The following MAP4K4 variants were observed in gnomAD, a reference collection of about 807,000 sequenced individuals.
MAP4K4 encodes the protein mitogen-activated protein kinase kinase kinase kinase 4.
A neutral mutation model predicts 189.6 loss-of-function variants in MAP4K4; 38 were observed. That is an observed-to-expected ratio of 0.20 (90% confidence interval 0.15 to 0.26). The LOEUF (loss-of-function observed/expected upper bound fraction) is 0.26, where lower values mean the gene tolerates loss of function less well. Ranked by LOEUF, MAP4K4 falls within the 10% of genes least tolerant of loss-of-function variation. The pLI is 1.00. For synonymous variants in MAP4K4, 610 were observed against 624.3 expected, an observed-to-expected ratio of 0.98 and a Z score of 0.34; for missense variants, 1,054 against 1,726.9, an observed-to-expected ratio of 0.61 and a Z score of 6.91.
chr2:101,831,903 G>A, intron 7 of MAP4K4, 52 bp downstream of exon 7: 1 of 1,589,110 alleles, frequency 6.3e-7, no homozygotes. Context: ...CATACCCGAG[G>A]GATGGGGGCT....
chr2:101,871,039 A>G (rs1333533503), intron 23 of MAP4K4, among the ~76,000 whole-genome samples: 1 of 152,176 alleles, frequency 6.6e-6, no homozygotes. Flanking sequence ...TACGCTTCTC[A>G]TTTAAATAGA....
chr2:101,709,543 T>A (rs1035591894), intron 2 of MAP4K4, among the ~76,000 whole-genome samples: 15 of 152,224 alleles, frequency 9.9e-5, no homozygotes, highest in Non-Finnish European at 2.1e-4. Flanking sequence ...TTCTTTCTTA[T>A]CGCTATGAAG....
intron 2 of MAP4K4, among the ~76,000 whole-genome samples, chr2:101,771,764 A>G (rs1483676175): frequency 6.6e-6 from 1 of 152,256 alleles, no homozygotes; most frequent in Non-Finnish European, 1.5e-5. Context: ...TGAGCTGCCT[A>G]GTGCTCCAGG....
intron 2 of MAP4K4, among the ~76,000 whole-genome samples, chr2:101,714,507 T>C (rs906324255): frequency 6.6e-6 from 1 of 152,232 alleles, no homozygotes; most frequent in Non-Finnish European, 1.5e-5. Flanking sequence ...TCTACAATTA[T>C]GTTATATAAC....
At chr2:101,837,552 A>T (rs1474425478) in intron 9 of MAP4K4, among the ~76,000 whole-genome samples, 2 of 152,142 alleles carry the variant, frequency 1.3e-5, no homozygotes, top group African/African-American at 4.8e-5. Flanking sequence ...TTCTGTATTA[A>T]GACATAATAA....
At chr2:101,792,803 T>G (rs2093148964) in intron 3 of MAP4K4, among the ~76,000 whole-genome samples, 1 of 152,116 alleles carries the variant, frequency 6.6e-6, no homozygotes, top group African/African-American at 2.4e-5. Flanking sequence ...CCCTAGCTAA[T>G]TTTTGTATTT....
chr2:101,755,480 G>A (rs1218452379), intron 2 of MAP4K4, among the ~76,000 whole-genome samples: 1 of 152,158 alleles, frequency 6.6e-6, no homozygotes, highest in Non-Finnish European at 1.5e-5. Context: ...TGGGCGGCCT[G>A]AGACAACTGT....
chr2:101,794,743 A>G (rs974835396), intron 3 of MAP4K4, among the ~76,000 whole-genome samples: 7 of 152,214 alleles, frequency 4.6e-5, no homozygotes, highest in African/African-American at 1.7e-4. Context: ...TTTATGCACT[A>G]TACGTAGTTA....
intron 3 of MAP4K4, among the ~76,000 whole-genome samples, chr2:101,811,534 C>T (rs1190850267): frequency 1.3e-5 from 2 of 151,870 alleles, no homozygotes; most frequent in African/African-American, 2.4e-5. Context: ...CAAGCTCACC[C>T]TCCCAGGTGT....
chr2:101,776,315 G>A (rs1021198117), intron 2 of MAP4K4, among the ~76,000 whole-genome samples: 11 of 152,152 alleles, frequency 7.2e-5, no homozygotes, highest in African/African-American at 2.7e-4. Context: ...CTGCACTCAA[G>A]AATATCGGGC....
chr2:101,785,722 CTCTCTCTCT>C (rs2148699864), intron 2 of MAP4K4, among the ~76,000 whole-genome samples: 2 of 8,414 alleles, frequency 2.4e-4, no homozygotes, highest in Admixed American at 1.0e-3. Context: ...CTCTCTCTCT[CTCTCTCTCT>C]CTCTCTCTCT....
exon 33 of MAP4K4, chr2:101,891,432 C>CTT: frequency 1.7e-4 from 76 of 455,450 alleles, no homozygotes; most frequent in South Asian, 2.7e-4. Context: ...TATCCCCATT[C>CTT]TTTTTTTTTT....
chr2:101,855,451 G>A (rs1344908268), intron 12 of MAP4K4, among the ~76,000 whole-genome samples: 1 of 152,196 alleles, frequency 6.6e-6, no homozygotes, highest in Non-Finnish European at 1.5e-5. Flanking sequence ...GCACATAGTA[G>A]TAAGCATTTG....
intron 3 of MAP4K4, among the ~76,000 whole-genome samples, chr2:101,822,436 C>T (rs942968582): frequency 6.6e-6 from 1 of 152,140 alleles, no homozygotes; most frequent in African/African-American, 2.4e-5. Flanking sequence ...GCTGTAAAGC[C>T]GCCATCTTGA....
At chr2:101,887,564 G>T (rs1320258802) in intron 30 of MAP4K4, among the ~76,000 whole-genome samples, 1 of 152,160 alleles carries the variant, frequency 6.6e-6, no homozygotes, top group Non-Finnish European at 1.5e-5. Context: ...ATGTTTCATG[G>T]GCCTCAGGAG....
intron 2 of MAP4K4, among the ~76,000 whole-genome samples, chr2:101,765,663 G>A (rs1360862309): frequency 6.6e-6 from 1 of 152,090 alleles, no homozygotes; most frequent in African/African-American, 2.4e-5. Flanking sequence ...TTTTATTTTT[G>A]AAATGATTCA....
intron 3 of MAP4K4, among the ~76,000 whole-genome samples, chr2:101,792,592 C>G (rs2093061707): frequency 7.9e-6 from 1 of 126,078 alleles, no homozygotes; most frequent in Non-Finnish European, 1.8e-5. Flanking sequence ...CCACCTTCTC[C>G]TCCTTCTCCT....
intron 32 of MAP4K4, among the ~76,000 whole-genome samples, chr2:101,890,612 T>C (rs1396661498): frequency 6.7e-6 from 1 of 149,970 alleles, no homozygotes; most frequent in African/African-American, 2.5e-5. Context: ...CCCACCACCA[T>C]GCCCAGCTAA....
chr2:101,764,417 C>A (rs532502890), intron 2 of MAP4K4, among the ~76,000 whole-genome samples: 1 of 152,160 alleles, frequency 6.6e-6, no homozygotes, highest in East Asian at 1.9e-4. Flanking sequence ...AGCTCAAATT[C>A]CCATTGGTAA....
Sources: gnomAD v4.1 joint callset for allele counts (sites outside exome capture counted in the v4.1 genomes callset) on GRCh38, gnomAD v4.1.1 for gene constraint, MANE v1.5 for transcripts, NCBI Gene and HGNC (gene_info 2026-07-23, HGNC 2026-07-21) for gene names.